AHSA1: variants seen among roughly 807,000 people sequenced by gnomAD.
AHSA1 encodes the protein activator of 90 kDa heat shock protein ATPase homolog 1.
Under a neutral mutation model 46.1 loss-of-function variants are expected in AHSA1, and 14 were observed. The observed-to-expected ratio is 0.30, with a 90% confidence interval of 0.20 to 0.47. AHSA1 has a LOEUF of 0.47. AHSA1 is among the 20% of genes least tolerant of loss of function. The probability of loss-of-function intolerance (pLI) is 0.99; values close to 1 mark genes in which losing one functional copy is unlikely to be tolerated. For missense variants in AHSA1, 333 were observed against 415.9 expected (o/e 0.80, Z 1.73); for synonymous variants, 147 against 145.8 (o/e 1.01, Z -0.06).
Position 77,468,080 on chromosome 14 carries a change from C to T in AHSA1, c.691-3C>T. 9.3e-7 allele frequency: 1 copy of T among 1,077,514 alleles called. No homozygotes were observed. Among genetic ancestry groups the T allele is most frequent in the Non-Finnish European group, 1.3e-6 (1 of 781,406 alleles). The allele number at this position is 1,077,514 out of a possible 1,614,324, so 66.7% of individuals were successfully genotyped here. A position where few individuals can be genotyped will look rare whatever the true frequency, so the allele number is the denominator to read the frequency against. Reference sequence around the variant, plus strand: ...TTTTTTTTTTTTTTTTTTTTCCCTGCAGCTGGTGCAGGCCTTTACCCATGC... The same window carrying T: ...TTTTTTTTTTTTTTTTTTTTCCCTGTAGCTGGTGCAGGCCTTTACCCATGC... On this transcript the variant is annotated splice_region_variant and splice_polypyrimidine_tract_variant and intron_variant, in intron 6 of 8. Coordinates refer to ENST00000216479, the MANE Select transcript of AHSA1 (RefSeq NM_012111.3).
At chr14:77,465,363 CAT>C (rs1382435944) in intron 5 of AHSA1, among the ~76,000 whole-genome samples, 174 bp from the exon 6 acceptor site, 1 of 152,208 alleles carries the variant, frequency 6.6e-6, no homozygotes, top group Non-Finnish European at 1.5e-5. Flanking sequence ...TTTCCAGAAT[CAT>C]TACCCTCATG....
At chr14:77,458,309 G>C in intron 1 of AHSA1, 40 bp downstream of exon 1, 1 of 1,535,034 alleles carries the variant, frequency 6.5e-7, no homozygotes, top group Non-Finnish European at 8.8e-7. Flanking sequence ...GGAGACCTGC[G>C]GCCGGGCCAG....
intron 3 of AHSA1, 147 bp downstream of exon 3, chr14:77,462,389 G>T: frequency 1.2e-6 from 1 of 830,330 alleles, no homozygotes. Flanking sequence ...GGCATATGGT[G>T]CCATTGGAAA....
chr14:77,468,241 TTC>T, intron 7 of AHSA1, 57 bp downstream of exon 7: 2 of 1,261,724 alleles, frequency 1.6e-6, no homozygotes, highest in East Asian at 5.1e-5. Context: ...TGAGTGACAT[TTC>T]TCTTTTTCTG....
chr14:77,466,589 T>C (rs1303064416), intron 6 of AHSA1, among the ~76,000 whole-genome samples: 4 of 152,274 alleles, frequency 2.6e-5, no homozygotes, highest in African/African-American at 4.8e-5. Flanking sequence ...TGGGTGTTAG[T>C]ATGTCTGTGC....
At chr14:77,458,612 T>C (rs992764476) in intron 1 of AHSA1, among the ~76,000 whole-genome samples, 1 of 152,186 alleles carries the variant, frequency 6.6e-6, no homozygotes, top group African/African-American at 2.4e-5. Flanking sequence ...CTCCTTTGAT[T>C]GTGTTGGGAG....
intron 5 of AHSA1, among the ~76,000 whole-genome samples, chr14:77,465,015 A>G (rs2079041978): frequency 6.6e-6 from 1 of 152,202 alleles, no homozygotes; most frequent in African/African-American, 2.4e-5. Context: ...TGGTGTGTTG[A>G]TATTTCATAC....
At chr14:77,464,728 C>A in intron 5 of AHSA1, 42 bp downstream of exon 5, 1 of 1,542,180 alleles carries the variant, frequency 6.5e-7, no homozygotes, top group Non-Finnish European at 8.9e-7. Flanking sequence ...TGCAAAGGAA[C>A]TTGAGAGACC....
chr14:77,460,909 C>A (rs1450880442), intron 2 of AHSA1, among the ~76,000 whole-genome samples: 1 of 152,042 alleles, frequency 6.6e-6, no homozygotes, highest in Non-Finnish European at 1.5e-5. Context: ...CCTGTAATCC[C>A]AGCACTTTGG....
chr14:77,468,741 T>TTTA, intron 8 of AHSA1: 3 of 457,148 alleles, frequency 6.6e-6, no homozygotes, highest in Non-Finnish European at 1.1e-5. Context: ...TTTTTTTTTT[T>TTTA]TTTTACTTTT....
Position 77,459,648 on chromosome 14 carries a change from A to G in AHSA1, c.113A>G (p.Asp38Gly), listed in dbSNP as rs1342660942. The G allele has an allele frequency of 6.2e-7, 1 of 1,614,112 alleles. No homozygotes were observed. Among genetic ancestry groups the G allele is most frequent in the Non-Finnish European group, 8.5e-7 (1 of 1,180,056 alleles). The change falls in exon 2 of 9, where the codon GAT becomes GGT. Residue 38 changes from aspartate to glycine, a missense_variant. Physicochemically the swap from Asp to Gly is moderately conservative, Grantham distance 94. Transcript: ENST00000216479. ...TERDASNWST[D>G]KLKTLFLAVQ... ...AGAGATGCTTCAAATTGGTCCACGG[A>G]TAAGCTGAAAACACTGTTCCTGGCA...
At position 77,459,795 on chromosome 14, in the gene AHSA1, T is replaced by C. The variant is rs1359588018; in HGVS notation, c.260T>C (p.Leu87Pro). Residue 87 changes from leucine to proline, a missense_variant, in exon 2 of 9, where the codon CTA becomes CCA. Coordinates refer to ENST00000216479, the MANE Select transcript of AHSA1 (RefSeq NM_012111.3). ...LIFFYEWSVK[L>P]NWTGTSKSGV... ...TTCTTTTATGAATGGAGCGTCAAAC[T>C]AAACTGGACAGGTAAGTCTAAGCTG... 1 of 1,614,232 alleles carries C rather than the reference T, an allele frequency of 6.2e-7. No homozygotes were observed. The highest frequency in any genetic ancestry group is 1.1e-5 in the South Asian group (1 of 91,092).
chr14:77,465,772 C>T, intron 6 of AHSA1, 105 bp downstream of exon 6: 1 of 1,181,738 alleles, frequency 8.5e-7, no homozygotes, highest in Non-Finnish European at 1.2e-6. Flanking sequence ...CTCACAAACT[C>T]ACAACTGGAG....
rs560853882 is a variant in AHSA1 at position 77,462,187 on chromosome 14, A to G, written c.299A>G (p.Lys100Arg). ...ACTTCTAAGTCAGGAGTACAATACA[A>G]AGGACATGTGGAGATCCCCAATTTG... Reference protein sequence around the residue: ...TGTSKSGVQYKGHVEIPNLSD... With the variant: ...TGTSKSGVQYRGHVEIPNLSD... The change falls in exon 3 of 9, where the codon AAA (lysine) becomes AGA (arginine). Residue 100 changes from lysine to arginine, a missense_variant. By Grantham distance (26) the Lys-to-Arg change is conservative. Coordinates refer to ENST00000216479, the MANE Select transcript of AHSA1 (RefSeq NM_012111.3). 2.8e-5 allele frequency: 45 copies of G among 1,613,422 alleles called. No homozygotes were observed. The highest frequency in any genetic ancestry group is 3.6e-5 in the Non-Finnish European group (43 of 1,179,420).
intron 4 of AHSA1, chr14:77,463,014 TCACACTTGTAATCC>T (rs1472521542): frequency 1.4e-5 from 5 of 368,212 alleles, no homozygotes; most frequent in Middle Eastern, 8.7e-4. Flanking sequence ...GCGCGGTGGC[TCACACTTGTAATCC>T]CAGCACTGTT....
In AHSA1 at chr14:77,465,585, A is replaced by G. The variant is rs1158252517; in HGVS notation, c.608A>G (p.Lys203Arg). The change falls in exon 6 of 9, where the codon AAA becomes AGA. Residue 203 changes from lysine (K) to arginine (R), a missense_variant. By Grantham distance (26) the Lys-to-Arg change is conservative. Coordinates refer to ENST00000216479, the MANE Select transcript of AHSA1 (RefSeq NM_012111.3). Reference protein sequence around the residue: ...SKTQARPVGVKIPTCKITLKE... With the variant: ...SKTQARPVGVRIPTCKITLKE... ...ACCCAGGCCAGACCTGTTGGAGTCA[A>G]AATCCCCACTTGTAAGATCACTCTT... The G allele has an allele frequency of 6.2e-7, 1 of 1,614,102 alleles. No individual in the cohort carries two copies. The highest frequency in any genetic ancestry group is 1.1e-5 in the South Asian group (1 of 91,086).
rs1294284677 is a variant in AHSA1 at position 77,469,067 on chromosome 14, C to T, written c.845-10C>T. Reference sequence around the variant, plus strand: ...AGATATGAAACCTCCGTCCCCTCTGCCTTTCCCAGGACACTTTGCCACCAT... The same window carrying T: ...AGATATGAAACCTCCGTCCCCTCTGTCTTTCCCAGGACACTTTGCCACCAT... On this transcript the variant is annotated splice_polypyrimidine_tract_variant and intron_variant, in intron 8 of 8. Coordinates refer to ENST00000216479, the MANE Select transcript of AHSA1 (RefSeq NM_012111.3). The T allele has an allele frequency of 6.2e-7, 1 of 1,613,454 alleles. No individual in the cohort carries two copies. Among genetic ancestry groups the T allele is most frequent in the East Asian group, 2.2e-5 (1 of 44,872 alleles).
At chr14:77,460,951 AGATC>A (rs2079020245) in intron 2 of AHSA1, among the ~76,000 whole-genome samples, 2 of 151,912 alleles carry the variant, frequency 1.3e-5, no homozygotes, top group South Asian at 2.1e-4. Context: ...CGAGGTCAGG[AGATC>A]AAGACCATCC....
In AHSA1 at chr14:77,464,368, C is replaced by T. The variant is rs1192135378; in HGVS notation, c.473-230C>T. Among the ~76,000 whole-genome samples the T allele has an allele frequency of 2.6e-5, 4 of 151,568 alleles. No homozygotes were observed. The East Asian group carries it at 5.8e-4, about 22-fold the overall frequency. ...CCAGCCTGGTGACAGAGCAAGACTCCATCTCAAAAAAAAAATAATAATAAT... is the reference window on the plus strand; with the variant it reads ...CCAGCCTGGTGACAGAGCAAGACTCTATCTCAAAAAAAAAATAATAATAAT... On this transcript the variant is annotated intron_variant, in intron 4 of 8. Coordinates refer to ENST00000216479, the MANE Select transcript of AHSA1 (RefSeq NM_012111.3).
Sources: allele counts gnomAD v4.1 joint callset (sites outside exome capture counted in the v4.1 genomes callset), GRCh38; gene constraint gnomAD v4.1.1; transcripts MANE v1.5; gene names NCBI Gene and HGNC (gene_info 2026-07-23, HGNC 2026-07-21).